Variants in TMEM132D observed in about 807,000 individuals in gnomAD.
TMEM132D encodes the protein mature OL transmembrane protein.
TMEM132D carries 21 observed loss-of-function variants against 62.3 expected under a neutral mutation model. The ratio of observed to expected loss-of-function variants is 0.34; its 90% CI spans 0.24 to 0.49. The LOEUF (loss-of-function observed/expected upper bound fraction) is 0.49, where lower values mean the gene tolerates loss of function less well. Ranked by LOEUF, TMEM132D falls within the 20% of genes least tolerant of loss-of-function variation. TMEM132D has a pLI of 0.99. For synonymous variants in TMEM132D, 621 were observed against 575.6 expected, an observed-to-expected ratio of 1.08 and a Z score of -1.13; for missense variants, 1,346 against 1,402.8, an observed-to-expected ratio of 0.96 and a Z score of 0.65.
chr12:129,352,564 G>GA (rs1467460512), intron 3 of TMEM132D, among the ~76,000 whole-genome samples: 5 of 150,178 alleles, frequency 3.3e-5, no homozygotes, highest in Non-Finnish European at 5.9e-5. Context: ...AAATTTACAA[G>GA]AAAAAAACAA....
At chr12:129,757,500 C>T (rs760775178) in intron 1 of TMEM132D, among the ~76,000 whole-genome samples, 3 of 152,138 alleles carry the variant, frequency 2.0e-5, no homozygotes, top group Non-Finnish European at 4.4e-5. Context: ...CATCTCACTG[C>T]CTACACACCA....
intron 4 of TMEM132D, among the ~76,000 whole-genome samples, chr12:129,308,110 C>CA (rs1273093314): frequency 1.3e-5 from 2 of 152,192 alleles, no homozygotes; most frequent in Admixed American, 6.5e-5. Context: ...CTTCAAGCCT[C>CA]AGTTTATAGG....
intron 1 of TMEM132D, among the ~76,000 whole-genome samples, chr12:129,712,097 T>C (rs1868390551): frequency 6.6e-6 from 1 of 151,966 alleles, no homozygotes; most frequent in African/African-American, 2.4e-5. Flanking sequence ...ACAATATGTT[T>C]TCATCTTTAT....
intron 2 of TMEM132D, among the ~76,000 whole-genome samples, chr12:129,535,869 G>C (rs1478864750): frequency 6.6e-6 from 1 of 151,952 alleles, no homozygotes; most frequent in Non-Finnish European, 1.5e-5. Flanking sequence ...GGGACAGGGA[G>C]AGAAGTTTTG....
intron 1 of TMEM132D, among the ~76,000 whole-genome samples, chr12:129,891,461 CG>C (rs1271883246): frequency 1.3e-5 from 2 of 152,162 alleles, no homozygotes; most frequent in African/African-American, 4.8e-5. Flanking sequence ...GAGGAAATGC[CG>C]TTGGGTGCGG....
chr12:129,382,918 G>A (rs999921437), intron 3 of TMEM132D, among the ~76,000 whole-genome samples: 2 of 152,128 alleles, frequency 1.3e-5, no homozygotes, highest in African/African-American at 4.8e-5. Context: ...GTACCTTCCT[G>A]TTTGTGTTTT....
At chr12:129,525,712 A>T (rs1876009002) in intron 3 of TMEM132D, among the ~76,000 whole-genome samples, 1 of 152,208 alleles carries the variant, frequency 6.6e-6, no homozygotes, top group Non-Finnish European at 1.5e-5. Context: ...CTCTCTGGTC[A>T]TCTGCCAGAC....
chr12:129,276,449 GT>G (rs1177166115), intron 4 of TMEM132D, among the ~76,000 whole-genome samples: 1 of 152,200 alleles, frequency 6.6e-6, no homozygotes, highest in African/African-American at 2.4e-5. Context: ...TATGGAATTT[GT>G]CAGTTGTTTG....
At chr12:129,514,115 A>C (rs1875603494) in intron 3 of TMEM132D, among the ~76,000 whole-genome samples, 1 of 152,016 alleles carries the variant, frequency 6.6e-6, no homozygotes, top group Admixed American at 6.6e-5. Context: ...CTGGGATTAC[A>C]GGCGTGAGCC....
intron 5 of TMEM132D, among the ~76,000 whole-genome samples, chr12:129,126,077 A>G (rs2135659036): frequency 6.6e-6 from 1 of 152,332 alleles, no homozygotes; most frequent in East Asian, 1.9e-4. Context: ...GCATGTGCTC[A>G]GATGCTTCTC....
intron 5 of TMEM132D, among the ~76,000 whole-genome samples, chr12:129,200,144 G>C (rs772905800): frequency 6.6e-6 from 1 of 152,014 alleles, no homozygotes; most frequent in Non-Finnish European, 1.5e-5. Context: ...ATGGAGGGGG[G>C]ACCAAGAGGG....
chr12:129,323,897 T>C (rs60238999), intron 4 of TMEM132D, among the ~76,000 whole-genome samples: 1,388 of 128,222 alleles, frequency 0.011, 29 homozygotes, highest in African/African-American at 0.037. Flanking sequence ...ACATTTTCTA[T>C]AGGAAGTAGG....
chr12:129,286,533 T>C (rs1881301580), intron 4 of TMEM132D, among the ~76,000 whole-genome samples: 1 of 152,132 alleles, frequency 6.6e-6, no homozygotes, highest in Non-Finnish European at 1.5e-5. Flanking sequence ...GTTGCAGAAG[T>C]GATAATGTTA....
intron 3 of TMEM132D, among the ~76,000 whole-genome samples, chr12:129,465,160 G>A (rs1324429239): frequency 1.3e-5 from 2 of 152,166 alleles, no homozygotes; most frequent in African/African-American, 2.4e-5. Context: ...GCAGTGAGTT[G>A]TAGTTCTCCT....
intron 3 of TMEM132D, among the ~76,000 whole-genome samples, chr12:129,422,242 T>G (rs1311804398): frequency 6.6e-6 from 1 of 152,220 alleles, no homozygotes; most frequent in Non-Finnish European, 1.5e-5. Flanking sequence ...TTTTTAAATT[T>G]TATTGGCGAA....
intron 2 of TMEM132D, among the ~76,000 whole-genome samples, chr12:129,638,522 A>T (rs921342492): frequency 1.0e-3 from 23 of 22,810 alleles, no homozygotes; most frequent in African/African-American, 3.1e-3. Context: ...AATATATATA[A>T]ATATATAAAC....
At chr12:129,322,714 G>T (rs1002069768) in intron 4 of TMEM132D, among the ~76,000 whole-genome samples, 4 of 152,088 alleles carry the variant, frequency 2.6e-5, no homozygotes, top group Non-Finnish European at 4.4e-5. Context: ...TCTTAGGAAA[G>T]AATTTAACTT....
chr12:129,859,284 T>C (rs1464209069), intron 1 of TMEM132D, among the ~76,000 whole-genome samples: 3 of 152,206 alleles, frequency 2.0e-5, no homozygotes, highest in Non-Finnish European at 4.4e-5. Context: ...CACCCATCTA[T>C]GGAATTTTAT....
chr12:129,251,415 C>G (rs1880264004), intron 4 of TMEM132D, among the ~76,000 whole-genome samples: 1 of 150,164 alleles, frequency 6.7e-6, no homozygotes, highest in African/African-American at 2.4e-5. Flanking sequence ...TTACGGAGAC[C>G]CTTGGTCATT....
Sources: gnomAD v4.1 joint callset for allele counts (sites outside exome capture counted in the v4.1 genomes callset) on GRCh38, gnomAD v4.1.1 for gene constraint, MANE v1.5 for transcripts, NCBI Gene and HGNC (gene_info 2026-07-23, HGNC 2026-07-21) for gene names.